Variants in NOS1AP observed in about 807,000 individuals in gnomAD.
NOS1AP encodes carboxyl-terminal PDZ ligand of neuronal nitric oxide synthase protein.
NOS1AP carries 21 observed loss-of-function variants against 56.2 expected under a neutral mutation model. The observed-to-expected ratio is 0.37, with a 90% CI of 0.26 to 0.54. The LOEUF is 0.54. Ranked by LOEUF, NOS1AP falls within the 20% of genes least tolerant of loss-of-function variation. NOS1AP has a pLI of 0.84. For synonymous variants in NOS1AP, 270 were observed against 274.6 expected (o/e 0.98, Z 0.17); for missense variants, 522 against 657.8 (o/e 0.79, Z 2.26).
intron 1 of NOS1AP, among the ~76,000 whole-genome samples, chr1:162,141,147 G>A (rs1009649146): frequency 4.0e-5 from 6 of 151,820 alleles, no homozygotes; most frequent in Non-Finnish European, 5.9e-5. Flanking sequence ...AAGGAATGGA[G>A]CTTCAATGTG....
chr1:162,113,629 G>A (rs1378110970), intron 1 of NOS1AP, among the ~76,000 whole-genome samples: 2 of 152,148 alleles, frequency 1.3e-5, no homozygotes, highest in Non-Finnish European at 2.9e-5. Context: ...GGGAGGAAGT[G>A]GTGGGGGTAG....
At chr1:162,111,682 G>A (rs1007909554) in intron 1 of NOS1AP, among the ~76,000 whole-genome samples, 13 of 152,188 alleles carry the variant, frequency 8.5e-5, no homozygotes, top group Admixed American at 1.3e-4. Context: ...AGGCTTTCCT[G>A]AAGGATGACA....
At chr1:162,327,112 G>T (rs1310873887) in intron 4 of NOS1AP, among the ~76,000 whole-genome samples, 1 of 152,170 alleles carries the variant, frequency 6.6e-6, no homozygotes, top group Non-Finnish European at 1.5e-5. Flanking sequence ...GAAGATGAGA[G>T]AAAAAGGGGT....
chr1:162,111,699 G>A (rs1647716632), intron 1 of NOS1AP, among the ~76,000 whole-genome samples: 1 of 152,216 alleles, frequency 6.6e-6, no homozygotes, highest in African/African-American at 2.4e-5. Context: ...GACATACAGA[G>A]AGGTCAATGC....
At chr1:162,105,657 G>A (rs368075091) in intron 1 of NOS1AP, among the ~76,000 whole-genome samples, 1 of 152,200 alleles carries the variant, frequency 6.6e-6, no homozygotes, top group South Asian at 2.1e-4. Context: ...AATGGATCAG[G>A]GTCCTGCTTA....
intron 9 of NOS1AP, 38 bp downstream of exon 9, chr1:162,365,607 A>T (rs1403447203): frequency 6.2e-7 from 1 of 1,602,294 alleles, no homozygotes; most frequent in South Asian, 1.1e-5. Context: ...TTCCTCTGTG[A>T]AGGCTCTGGA....
chr1:162,241,213 G>A (rs1366234793), intron 2 of NOS1AP, among the ~76,000 whole-genome samples: 2 of 152,218 alleles, frequency 1.3e-5, no homozygotes, highest in East Asian at 1.9e-4. Context: ...GACAAGGGAA[G>A]CAGAGGAGAG....
intron 1 of NOS1AP, among the ~76,000 whole-genome samples, chr1:162,085,145 C>T (rs1322620624): frequency 1.3e-5 from 2 of 152,050 alleles, no homozygotes; most frequent in Non-Finnish European, 2.9e-5. Context: ...AGCAACCAGT[C>T]TGGGAGATGT....
At chr1:162,071,591 C>T (rs1209959606) in intron 1 of NOS1AP, among the ~76,000 whole-genome samples, 1 of 152,148 alleles carries the variant, frequency 6.6e-6, no homozygotes, top group Non-Finnish European at 1.5e-5. Context: ...TTAAACCCTG[C>T]CGTGGAATGC....
intron 5 of NOS1AP, among the ~76,000 whole-genome samples, chr1:162,336,341 C>T (rs1656938390): frequency 6.6e-6 from 1 of 152,042 alleles, no homozygotes; most frequent in African/African-American, 2.4e-5. Flanking sequence ...AGAACTGAAC[C>T]CAGAGGGTCT....
chr1:162,294,222 A>G (rs6690161), intron 3 of NOS1AP, among the ~76,000 whole-genome samples: 5,287 of 147,532 alleles, frequency 0.036, 181 homozygotes, highest in Middle Eastern at 0.073. Context: ...GAAGGAAGGA[A>G]GGAAGAAAGA....
At chr1:162,094,403 G>A (rs1692194623) in intron 1 of NOS1AP, among the ~76,000 whole-genome samples, 1 of 152,148 alleles carries the variant, frequency 6.6e-6, no homozygotes, top group Admixed American at 6.5e-5. Flanking sequence ...GGTGTGTGCT[G>A]AGTCAGACTC....
chr1:162,266,914 A>G (rs1020541168), intron 2 of NOS1AP, among the ~76,000 whole-genome samples: 6 of 152,312 alleles, frequency 3.9e-5, no homozygotes, highest in Non-Finnish European at 7.4e-5. Context: ...AGGAAGGCAT[A>G]TGGAAGACTC....
intron 1 of NOS1AP, among the ~76,000 whole-genome samples, chr1:162,092,958 T>C (rs1692166688): frequency 6.6e-6 from 1 of 152,258 alleles, no homozygotes; most frequent in Non-Finnish European, 1.5e-5. Context: ...TCCTATCCTC[T>C]ATTTTCTTTT....
intron 1 of NOS1AP, among the ~76,000 whole-genome samples, chr1:162,129,658 A>T (rs1187015464): frequency 1.3e-5 from 2 of 152,094 alleles, no homozygotes; most frequent in Non-Finnish European, 2.9e-5. Context: ...GTTTTATTAA[A>T]CTGCTCTATC....
At chr1:162,099,311 C>T (rs1692326028) in intron 1 of NOS1AP, among the ~76,000 whole-genome samples, 1 of 152,090 alleles carries the variant, frequency 6.6e-6, no homozygotes, top group Non-Finnish European at 1.5e-5. Flanking sequence ...CCTCAGCCTC[C>T]TGAGTAGCTG....
Position 162,188,891 on chromosome 1 carries a change from C to T in NOS1AP, c.177+34415C>T, listed in dbSNP as rs1651529275. ...ACCTGGTCAGGAGTATTTTTAGAAA[C>T]TCCATCTCTAAAAATACAAAAATTA... On this transcript the variant is annotated intron_variant, in intron 2 of 9. Coordinates refer to ENST00000361897, the MANE Select transcript of NOS1AP (RefSeq NM_014697.3). This position sits in a 1 kb window ranked among gnomAD's most constrained non-coding sequence, Gnocchi z 4.0. 6.6e-6 allele frequency among the ~76,000 whole-genome samples: 1 copy of T among 151,904 alleles called. No individual in the cohort carries two copies. Among genetic ancestry groups the T allele is most frequent in the Non-Finnish European group, 1.5e-5 (1 of 67,982 alleles).
At chr1:162,243,210 G>A (rs1397248209) in intron 2 of NOS1AP, among the ~76,000 whole-genome samples, 1 of 152,130 alleles carries the variant, frequency 6.6e-6, no homozygotes, top group Non-Finnish European at 1.5e-5. Flanking sequence ...GGGGACAAGG[G>A]GGTGTTAGAT....
chr1:162,100,212 A>T (rs1298846563), intron 1 of NOS1AP, among the ~76,000 whole-genome samples: 4 of 152,082 alleles, frequency 2.6e-5, no homozygotes, highest in Non-Finnish European at 5.9e-5. Context: ...CACCACACTG[A>T]CTTCCACAAT....
Sources: allele counts gnomAD v4.1 joint callset (sites outside exome capture counted in the v4.1 genomes callset), GRCh38; gene constraint gnomAD v4.1.1; non-coding constraint Gnocchi (gnomAD v3.1); transcripts MANE v1.5; gene names NCBI Gene and HGNC (gene_info 2026-07-23, HGNC 2026-07-21).